STAC: variants seen among roughly 807,000 people sequenced by gnomAD.
STAC encodes SH3 and cysteine-rich domain-containing protein.
In STAC, 43 loss-of-function variants were observed where a neutral mutation model predicts 48.8. That is an observed-to-expected ratio of 0.88 (90% confidence interval 0.69 to 1.14). The LOEUF (loss-of-function observed/expected upper bound fraction) is 1.14. STAC is among the 50% of genes most tolerant of loss of function. The pLI is 0.00. For missense variants in STAC, 497 were observed against 504.0 expected, an observed-to-expected ratio of 0.99 and a Z score of 0.13; for synonymous variants, 193 against 179.5, an observed-to-expected ratio of 1.07 and a Z score of -0.60.
chr3:36,468,507 C>G (rs1189932913), intron 2 of STAC, among the ~76,000 whole-genome samples: 1 of 151,172 alleles, frequency 6.6e-6, no homozygotes, highest in Non-Finnish European at 1.5e-5. Context: ...TTAAAGTCTC[C>G]CATTATTATT....
At chr3:36,455,168 C>T (rs1222298761) in intron 2 of STAC, among the ~76,000 whole-genome samples, 1 of 152,172 alleles carries the variant, frequency 6.6e-6, no homozygotes, top group East Asian at 1.9e-4. Context: ...TATCACAGCA[C>T]ATATATTCTG....
In STAC at chr3:36,499,335, G is replaced by T. The variant is rs141072316; in HGVS notation, c.767-5058G>T. ...ATTAGCTGAAATACTGACTTTATGT[G>T]GGAAATGGGCATTCAGAGATTATGT... On this transcript the variant is annotated intron_variant, in intron 6 of 10. Coordinates refer to ENST00000273183, the MANE Select transcript of STAC (RefSeq NM_003149.3). Among the ~76,000 whole-genome samples the T allele has an allele frequency of 1.9e-3, 284 of 152,194 alleles. 2 individuals carry two copies. The highest frequency in any genetic ancestry group is 0.016 in the East Asian group (84 of 5,182).
chr3:36,394,709 C>T (rs1007904218), intron 1 of STAC, among the ~76,000 whole-genome samples: 9 of 151,978 alleles, frequency 5.9e-5, no homozygotes, highest in African/African-American at 2.2e-4. Flanking sequence ...CCAGCCTGGC[C>T]AACATGGCAA....
intron 2 of STAC, among the ~76,000 whole-genome samples, chr3:36,455,761 GT>G (rs1553636371): frequency 3.8e-5 from 2 of 52,514 alleles, no homozygotes; most frequent in Non-Finnish European, 8.0e-5. Flanking sequence ...AAACAGGCAG[GT>G]GTGTGTGTGT....
chr3:36,398,402 GAGAA>G (rs1342295100), intron 1 of STAC, among the ~76,000 whole-genome samples: 3 of 132,442 alleles, frequency 2.3e-5, no homozygotes, highest in Non-Finnish European at 3.2e-5. Context: ...GAGAGGTAAA[GAGAA>G]AGAGAGAGGG....
At chr3:36,439,643 C>T (rs139666583) in intron 1 of STAC, among the ~76,000 whole-genome samples, 135 of 152,250 alleles carry the variant, frequency 8.9e-4, no homozygotes, top group Admixed American at 2.2e-3. Flanking sequence ...TCCAGTCTTA[C>T]CTCCTGTGTA....
chr3:36,474,223 TGTG>T (rs2087686702), intron 2 of STAC, among the ~76,000 whole-genome samples: 1 of 152,082 alleles, frequency 6.6e-6, no homozygotes, highest in Admixed American at 6.5e-5. Context: ...CCATCACAAA[TGTG>T]ATGAGAATCA....
At chr3:36,442,553 G>A (rs73065734) in intron 1 of STAC, among the ~76,000 whole-genome samples, 1,620 of 152,210 alleles carry the variant, frequency 0.011, 20 homozygotes, top group South Asian at 0.022. Context: ...AGCCAGAATA[G>A]AGGGGTAGAT....
chr3:36,517,654 T>C (rs1698705021), intron 8 of STAC, among the ~76,000 whole-genome samples: 1 of 152,098 alleles, frequency 6.6e-6, no homozygotes, highest in Admixed American at 6.6e-5. Flanking sequence ...ACCCTATCTA[T>C]CTATCTATCT....
At chr3:36,537,846 C>T (rs1559530241) in intron 10 of STAC, among the ~76,000 whole-genome samples, 1 of 151,540 alleles carries the variant, frequency 6.6e-6, no homozygotes, top group Non-Finnish European at 1.5e-5. Flanking sequence ...GTTGACCAAA[C>T]ATTAATTAAA....
At chr3:36,384,882 C>G (rs191141691) in intron 1 of STAC, among the ~76,000 whole-genome samples, 2 of 152,284 alleles carry the variant, frequency 1.3e-5, no homozygotes, top group Admixed American at 1.3e-4. Context: ...AGAAAGATTT[C>G]TGTGTCCATC....
At chr3:36,432,809 A>C (rs1700738038) in intron 1 of STAC, among the ~76,000 whole-genome samples, 1 of 152,182 alleles carries the variant, frequency 6.6e-6, no homozygotes, top group Non-Finnish European at 1.5e-5. Context: ...AGATTTGGGC[A>C]CATTATTTAA....
At chr3:36,380,929 T>A (rs1321191036) in intron 1 of STAC, among the ~76,000 whole-genome samples, 175 bp downstream of exon 1, 1 of 113,636 alleles carries the variant, frequency 8.8e-6, no homozygotes, top group Admixed American at 9.5e-5. Context: ...CTGGACCACG[T>A]CCCTGTGGAC....
At chr3:36,545,229 T>G (rs1464829267) in intron 10 of STAC, among the ~76,000 whole-genome samples, 2 of 152,214 alleles carry the variant, frequency 1.3e-5, no homozygotes, top group African/African-American at 4.8e-5. Flanking sequence ...CTGACTGACA[T>G]GGGGTTCAAA....
intron 1 of STAC, among the ~76,000 whole-genome samples, chr3:36,430,247 A>G (rs1409175784): frequency 1.3e-5 from 2 of 152,228 alleles, no homozygotes. Context: ...CTCAGCGTAT[A>G]GAATAAGAGT....
chr3:36,463,958 G>A (rs1164573621), intron 2 of STAC, among the ~76,000 whole-genome samples: 1 of 152,008 alleles, frequency 6.6e-6, no homozygotes, highest in Non-Finnish European at 1.5e-5. Flanking sequence ...TTGCTATTGT[G>A]AATAGTGCCA....
In STAC at chr3:36,396,935, C is replaced by T. The variant is rs571132974; in HGVS notation, c.111+16181C>T. ...ATCTCCTCCCACACAGAGTCTATCC[C>T]TCTCTCTAGTCTACTCTAAGGCTTC... On this transcript the variant is annotated intron_variant, in intron 1 of 10. Coordinates refer to ENST00000273183, the MANE Select transcript of STAC (RefSeq NM_003149.3). 1.6e-3 allele frequency among the ~76,000 whole-genome samples: 247 copies of T among 152,248 alleles called. 1 individual carries two copies. Among genetic ancestry groups the T allele is most frequent in the Non-Finnish European group, 2.6e-3 (174 of 68,008 alleles).
At chr3:36,495,400 T>C (rs543188021) in intron 6 of STAC, among the ~76,000 whole-genome samples, 1 of 152,306 alleles carries the variant, frequency 6.6e-6, no homozygotes, top group South Asian at 2.1e-4. Flanking sequence ...CAGCCACACA[T>C]TCAGACTGGC....
At chr3:36,475,798 G>GA (rs973751548) in intron 2 of STAC, among the ~76,000 whole-genome samples, 1 of 152,198 alleles carries the variant, frequency 6.6e-6, no homozygotes, top group Admixed American at 6.5e-5. Context: ...AGAGTAGGAG[G>GA]ATATGAAGAG....
Sources: gnomAD v4.1 joint callset for allele counts (sites outside exome capture counted in the v4.1 genomes callset) on GRCh38, gnomAD v4.1.1 for gene constraint, MANE v1.5 for transcripts, NCBI Gene and HGNC (gene_info 2026-07-23, HGNC 2026-07-21) for gene names.